Variants in AP4E1 observed in about 807,000 individuals in gnomAD.
AP4E1 encodes the protein adaptor related protein complex 4 subunit epsilon 1.
A neutral mutation model predicts 128.2 loss-of-function variants in AP4E1; 56 were observed. The observed-to-expected ratio is 0.44, with a 90% CI of 0.35 to 0.55. The LOEUF is 0.55. AP4E1 is among the 20% of genes least tolerant of loss of function. The probability of loss-of-function intolerance (pLI) is 0.00; values close to 1 mark genes in which losing one functional copy is unlikely to be tolerated. For synonymous variants in AP4E1, 484 were observed against 473.1 expected, an observed-to-expected ratio of 1.02 and a Z score of -0.30; for missense variants, 1,324 against 1,307.7, an observed-to-expected ratio of 1.01 and a Z score of -0.19.
Position 50,999,246 on chromosome 15 carries a change from C to G in AP4E1, c.3079C>G (p.Leu1027Val), listed in dbSNP as rs187436884. The G allele has an allele frequency of 1.9e-6, 3 of 1,611,134 alleles. No homozygotes were observed. The South Asian group carries it at 3.3e-5, about 18-fold the overall frequency. ...GCTGGAATTTTCTGTAAACTTATCACTATTAGATTTCATTAGGTAAATGTT... is the reference window on the plus strand; with the variant it reads ...GCTGGAATTTTCTGTAAACTTATCAGTATTAGATTTCATTAGGTAAATGTT... ...AQLEFSVNLS[L>V]LDFIRPLKIS... is the part of the protein sequence containing the mutation. Residue 1027 changes from leucine to valine, a missense_variant, in exon 19 of 21, where the codon CTA (leucine) becomes GTA (valine). Physicochemically the swap from Leu to Val is conservative, Grantham distance 32. Coordinates refer to ENST00000261842, the MANE Select transcript of AP4E1 (RefSeq NM_007347.5).
At chr15:50,916,802 G>C (rs892524377) in intron 3 of AP4E1, among the ~76,000 whole-genome samples, 4 of 152,004 alleles carry the variant, frequency 2.6e-5, no homozygotes, top group African/African-American at 9.7e-5. Context: ...TTTCTCCTGT[G>C]ATCACTCAGG....
At chr15:50,923,081 G>C (rs1339267547) in intron 3 of AP4E1, among the ~76,000 whole-genome samples, 1 of 152,070 alleles carries the variant, frequency 6.6e-6, no homozygotes, top group African/African-American at 2.4e-5. Context: ...CCAGTCTTGG[G>C]TCTCATTATA....
chr15:50,941,879 T>C lies in AP4E1; in HGVS notation c.1176+104T>C, dbSNP rs903940506. 2.8e-5 allele frequency: 23 copies of C among 814,312 alleles called. No individual in the cohort carries two copies. In the East Asian group the frequency reaches 5.3e-4, roughly 19 times the overall value. 50.4% of individuals were successfully genotyped at this position (814,312 alleles called of 1,614,324 possible). On this transcript the variant is annotated intron_variant, in intron 10 of 20. Transcript: ENST00000261842. The stretch of plus-strand genomic sequence containing the variant: ...AGTGGTGGGCAGTGTGTATGTTTGC[T>C]CGTGTGTATATTTTAACTTTTGGGT...
At chr15:50,944,752 C>A in intron 10 of AP4E1, 2 of 595,820 alleles carry the variant, frequency 3.4e-6, no homozygotes, top group South Asian at 2.1e-5. Flanking sequence ...TATGATCCTA[C>A]CTTACATCCT....
intron 7 of AP4E1, 114 bp downstream of exon 7, chr15:50,931,085 T>TCTTTTATCACTATTAAGCC: frequency 1.6e-6 from 2 of 1,272,296 alleles, no homozygotes; most frequent in South Asian, 1.2e-5. Context: ...TTAATTGGCT[T>TCTTTTATCACTATTAAGCC]AATAGTGATA....
chr15:50,964,287 C>A (rs1235198725), intron 14 of AP4E1, among the ~76,000 whole-genome samples: 1 of 152,054 alleles, frequency 6.6e-6, no homozygotes, highest in Non-Finnish European at 1.5e-5. Flanking sequence ...TTATTTCATT[C>A]ATTGAATTCT....
intron 8 of AP4E1, among the ~76,000 whole-genome samples, chr15:50,938,383 A>G (rs1380856357): frequency 6.6e-6 from 1 of 152,106 alleles, no homozygotes. Flanking sequence ...AAAACTGTGG[A>G]CCCATCCCCT....
intron 16 of AP4E1, among the ~76,000 whole-genome samples, chr15:50,989,249 G>A (rs1006161039): frequency 3.3e-5 from 5 of 152,304 alleles, no homozygotes; most frequent in Admixed American, 2.0e-4. Context: ...TGGCCGCATT[G>A]TTGGAATAAA....
chr15:50,908,538 G>T, upstream of AP4E1: 1 of 446,612 alleles, frequency 2.2e-6, no homozygotes, highest in Non-Finnish European at 3.8e-6. Context: ...TCGCGAGAAA[G>T]GAGGTCTACT....
chr15:50,916,205 C>T (rs187193002), intron 3 of AP4E1, among the ~76,000 whole-genome samples: 2 of 152,320 alleles, frequency 1.3e-5, no homozygotes, highest in African/African-American at 2.4e-5. Flanking sequence ...GCTGGGATTA[C>T]AGGTGTGAAC....
chr15:50,939,996 C>A (rs954944700), intron 8 of AP4E1, among the ~76,000 whole-genome samples: 1 of 152,050 alleles, frequency 6.6e-6, no homozygotes, highest in East Asian at 1.9e-4. Context: ...ATGTAAAAAT[C>A]TTTCTTTAGT....
intron 13 of AP4E1, among the ~76,000 whole-genome samples, chr15:50,954,612 A>G (rs551555717): frequency 6.6e-6 from 1 of 152,318 alleles, no homozygotes; most frequent in South Asian, 2.1e-4. Context: ...GTGATTAGAG[A>G]AAATACTATG....
At chr15:50,915,691 A>C in intron 3 of AP4E1, 120 bp downstream of exon 3, 1 of 1,242,484 alleles carries the variant, frequency 8.0e-7, no homozygotes, top group Non-Finnish European at 1.1e-6. Context: ...ATAATTTCTA[A>C]AACTTTAAAA....
chr15:50,933,185 A>C (rs1239407146), intron 7 of AP4E1, among the ~76,000 whole-genome samples: 1 of 152,156 alleles, frequency 6.6e-6, no homozygotes, highest in Non-Finnish European at 1.5e-5. Flanking sequence ...CTCAGTTATT[A>C]ATAGAGTGGA....
chr15:50,950,737 T>G (rs2064137289), intron 13 of AP4E1, among the ~76,000 whole-genome samples: 1 of 152,186 alleles, frequency 6.6e-6, no homozygotes, highest in South Asian at 2.1e-4. Context: ...TTAAGACTAG[T>G]ACACAATAGC....
chr15:50,955,462 T>C (rs1390083654), intron 13 of AP4E1, among the ~76,000 whole-genome samples: 2 of 152,204 alleles, frequency 1.3e-5, no homozygotes, highest in African/African-American at 4.8e-5. Context: ...TTCTGGGTGT[T>C]GTGTTCTATA....
At position 50,997,701 on chromosome 15, in the gene AP4E1, G is replaced by T; in HGVS notation, c.2722G>T (p.Glu908Ter). ...AAGCTCTTTAGCTTCATCTTTTTTG[G>T]AAGAAACTACTGAATACATACACTC... Reference protein sequence around the residue: ...KESSLASSFLEETTEYIHSNA... With the variant: ...KESSLASSFL Residue 908 changes from glutamate (E) to a stop codon, truncating the protein, a stop_gained, in exon 18 of 21, where the codon GAA becomes TAA. Coordinates refer to ENST00000261842, the MANE Select transcript of AP4E1 (RefSeq NM_007347.5). LOFTEE classifies it high-confidence loss of function. 2 of 1,613,948 alleles carry T rather than the reference G, an allele frequency of 1.2e-6. No individual in the cohort carries two copies. Among genetic ancestry groups the T allele is most frequent in the Non-Finnish European group, 1.7e-6 (2 of 1,179,978 alleles).
At chr15:50,931,578 T>TAATA (rs949209473) in intron 7 of AP4E1, among the ~76,000 whole-genome samples, 6 of 151,912 alleles carry the variant, frequency 3.9e-5, no homozygotes, top group South Asian at 2.1e-4. Context: ...AAAATAATAA[T>TAATA]AATAAATAAA....
intron 15 of AP4E1, among the ~76,000 whole-genome samples, chr15:50,975,475 A>G (rs1479221103): frequency 1.3e-5 from 2 of 152,164 alleles, no homozygotes; most frequent in Non-Finnish European, 2.9e-5. Context: ...ATTTTTATGT[A>G]TGGTATAAGA....
Sources: allele counts gnomAD v4.1 joint callset (sites outside exome capture counted in the v4.1 genomes callset), GRCh38; gene constraint gnomAD v4.1.1; transcripts MANE v1.5; gene names NCBI Gene and HGNC (gene_info 2026-07-23, HGNC 2026-07-21).